STKLD1: variants seen among roughly 807,000 people sequenced by gnomAD.
STKLD1 encodes serine/threonine kinase-like domain-containing protein STKLD1.
STKLD1 carries 79 observed loss-of-function variants against 80.4 expected under a neutral mutation model. The ratio of observed to expected loss-of-function variants is 0.98; its 90% CI spans 0.82 to 1.19. STKLD1 has a LOEUF of 1.19. Ranked by LOEUF, STKLD1 falls within the 50% of genes most tolerant of loss-of-function variation. The pLI is 0.00. For missense variants in STKLD1, 841 were observed against 856.0 expected, an observed-to-expected ratio of 0.98 and a Z score of 0.22; for synonymous variants, 393 against 357.6, an observed-to-expected ratio of 1.10 and a Z score of -1.12.
chr9:133,388,971 C>T (rs1286117119), intron 5 of STKLD1: 2 of 985,308 alleles, frequency 2.0e-6, no homozygotes, highest in Non-Finnish European at 1.2e-6. Context: ...AGGACGCCCA[C>T]ATCCTGCCCC....
intron 11 of STKLD1, 131 bp downstream of exon 11, chr9:133,398,186 G>A (rs188153526): frequency 1.8e-5 from 13 of 738,156 alleles, no homozygotes; most frequent in East Asian, 1.1e-4. Context: ...GCGTGGAGGC[G>A]TGCATGTGTC....
At chr9:133,395,871 A>C in intron 9 of STKLD1, 108 bp downstream of exon 9, 1 of 1,125,052 alleles carries the variant, frequency 8.9e-7, no homozygotes. Flanking sequence ...AAAGAACTCC[A>C]TCACAGATGC....
chr9:133,387,703 A>C, intron 5 of STKLD1, 155 bp downstream of exon 5: 1 of 707,154 alleles, frequency 1.4e-6, no homozygotes. Context: ...ACTCTAGGTA[A>C]TGTGTGCAGA....
At chr9:133,378,481 G>A (rs1024690646) in intron 1 of STKLD1, among the ~76,000 whole-genome samples, 5 of 152,340 alleles carry the variant, frequency 3.3e-5, no homozygotes, top group African/African-American at 1.2e-4. Flanking sequence ...CCCAGGCAGT[G>A]TCCTGCTTTC....
intron 9 of STKLD1, among the ~76,000 whole-genome samples, chr9:133,396,278 A>G (rs970371588): frequency 1.3e-5 from 2 of 152,092 alleles, no homozygotes; most frequent in African/African-American, 4.8e-5. Context: ...TACGAAAAAT[A>G]CAAAAAATTA....
At chr9:133,402,809 A>G in intron 13 of STKLD1, 69 bp from the exon 14 acceptor site, 1 of 1,534,954 alleles carries the variant, frequency 6.5e-7, no homozygotes, top group East Asian at 2.4e-5. Flanking sequence ...GCAGTGCCCA[A>G]GGACAACAGA....
rs1414339455 is a variant in STKLD1, at chr9:133,400,393, T to C, written c.1082-20T>C. The C allele has an allele frequency of 5.6e-6, 9 of 1,599,476 alleles. No individual in the cohort carries two copies. The highest frequency in any genetic ancestry group is 7.7e-6 in the Non-Finnish European group (9 of 1,170,494). ...GATCTGGCCCAAAATGAGTCTCCCC[T>C]GTGCCGCCCGCCCTGCCAGGTCTGC... On this transcript the variant is annotated intron_variant, in intron 11 of 17. Transcript: ENST00000371957.
Position 133,389,790 on chromosome 9 carries a change from A to G in STKLD1, c.467+194A>G, listed in dbSNP as rs2130285111. On this transcript the variant is annotated intron_variant, in intron 6 of 17. Transcript: ENST00000371957. This position sits in a 1 kb window ranked among gnomAD's most constrained non-coding sequence, Gnocchi z 6.4. ...AGGCTCTTCCAAGTGGTCTCAAGCC[A>G]TGTGCACACGCACAGCTGCATGGGG... Among the ~76,000 whole-genome samples, 17 of 152,300 alleles carry G rather than the reference A, an allele frequency of 1.1e-4. No individual in the cohort carries two copies. In the South Asian group the frequency reaches 3.3e-3, roughly 30 times the overall value.
chr9:133,395,704 CT>C lies in STKLD1; in HGVS notation c.809del (p.Phe270SerfsTer7). ...AGAAGCAGATCCCGGATGTGGAAAC[CT>C]TCAGGAATCTTCTGCCCTTGATGCT... is the stretch of plus-strand genomic sequence containing the variant. Reference protein sequence around the residue: ...EEKQIPDVETFRNLLPLMLQI... With the variant: ...EEKQIPDVETXRNLLPLMLQI... On this transcript the variant is annotated frameshift_variant, in exon 9 of 18. Transcript: ENST00000371957. LOFTEE classifies it high-confidence loss of function. The C allele has an allele frequency of 4.3e-6, 7 of 1,613,516 alleles. No individual in the cohort carries two copies. The highest frequency in any genetic ancestry group is 5.9e-6 in the Non-Finnish European group (7 of 1,180,028).
In STKLD1 at chr9:133,385,639, G is replaced by A. The variant is rs2130275031; in HGVS notation, c.242G>A (p.Arg81Gln). The stretch of plus-strand genomic sequence containing the variant: ...CAGCTGATGCCACTGCTGAAGCTGC[G>A]GCACGCCCACATCTCTGTGTACCAG... ...LEELMPLLKL[R>Q]HAHISVYQEL... Residue 81 changes from arginine to glutamine, a missense_variant, in exon 4 of 18, where the codon CGG becomes CAG. By Grantham distance (43) the Arg-to-Gln change is conservative. Transcript: ENST00000371957. This position sits in a 1 kb window ranked among gnomAD's most constrained non-coding sequence, Gnocchi z 4.9. 7.4e-6 allele frequency: 12 copies of A among 1,613,178 alleles called. No individual in the cohort carries two copies. Among genetic ancestry groups the A allele is most frequent in the African/African-American group, 1.3e-5 (1 of 74,918 alleles).
intron 9 of STKLD1, among the ~76,000 whole-genome samples, chr9:133,396,314 G>A (rs1838562448): frequency 6.6e-6 from 1 of 152,092 alleles, no homozygotes; most frequent in Non-Finnish European, 1.5e-5. Flanking sequence ...GCATGCCTGT[G>A]TTCCCAGCTA....
At position 133,402,924 on chromosome 9, in the gene STKLD1, G is replaced by A. The variant is rs1554777966; in HGVS notation, c.1386G>A (p.Glu462=). 2 of 1,586,346 alleles carry A rather than the reference G, an allele frequency of 1.3e-6. No individual in the cohort carries two copies. Among genetic ancestry groups the A allele is most frequent in the South Asian group, 2.3e-5 (2 of 86,766 alleles). Residue 462 remains glutamate, a synonymous_variant, in exon 14 of 18, where the codon GAG becomes GAA. Coordinates refer to ENST00000371957, the MANE Select transcript of STKLD1 (RefSeq NM_153710.5). ...AGCTGCAGAATGCTGGGCTGCTGGA[G>A]CACATCCTGGAGCACCTCAACAGCT... The part of the protein sequence containing the change: ...SEELQNAGLL[E]HILEHLNSSL...
At chr9:133,377,958 G>A (rs1458533301) in intron 1 of STKLD1, among the ~76,000 whole-genome samples, 1 of 152,190 alleles carries the variant, frequency 6.6e-6, no homozygotes, top group Non-Finnish European at 1.5e-5. Context: ...TTCTCATAAG[G>A]AGCATGCAAC....
At position 133,376,460 on chromosome 9, in the gene STKLD1, G is replaced by T. The variant is rs2130248081; in HGVS notation, c.-14G>T. ...CAGGGGTGGACGCTCGCCCGTACGC[G>T]GTCGCTACTGATCATGCTTGGGCCA... On this transcript the variant is annotated 5_prime_UTR_variant, in exon 1 of 18. Coordinates refer to ENST00000371957, the MANE Select transcript of STKLD1 (RefSeq NM_153710.5). 7 of 1,570,868 alleles carry T rather than the reference G, an allele frequency of 4.5e-6. No individual in the cohort carries two copies. The South Asian group carries it at 7.0e-5, about 16-fold the overall frequency.
chr9:133,394,299 C>A lies in STKLD1; in HGVS notation c.592C>A (p.Arg198Ser). The A allele has an allele frequency of 1.2e-6, 2 of 1,612,864 alleles. No homozygotes were observed. Among genetic ancestry groups the A allele is most frequent in the Non-Finnish European group, 1.7e-6 (2 of 1,178,950 alleles). ...CTTGCTTTTACCAACAGACCCCTTTCGTAAGTCCTGGATGGCCCCTGAAGC... is the reference window on the plus strand; with the variant it reads ...CTTGCTTTTACCAACAGACCCCTTTAGTAAGTCCTGGATGGCCCCTGAAGC... ...WNIRAEEDPF[R>S]KSWMAPEALN... The change falls in exon 8 of 18, where the codon CGT becomes AGT. Residue 198 changes from arginine to serine, a missense_variant. Transcript: ENST00000371957. The surrounding 1 kb of genome is among the most constrained non-coding windows in gnomAD (Gnocchi z 4.9).
In STKLD1 at chr9:133,385,076, C is replaced by T. The variant is rs1207508654; in HGVS notation, c.220-541C>T. 6.6e-6 allele frequency among the ~76,000 whole-genome samples: 1 copy of T among 152,204 alleles called. No individual in the cohort carries two copies. The highest frequency in any genetic ancestry group is 2.4e-5 in the African/African-American group (1 of 41,446). ...ACGCCGCCGTGGCTTTTCACGTTGC[C>T]GATTCCCATCCACAGCCCACTAGGT... is the stretch of plus-strand genomic sequence containing the variant. On this transcript the variant is annotated intron_variant, in intron 3 of 17. Coordinates refer to ENST00000371957, the MANE Select transcript of STKLD1 (RefSeq NM_153710.5). The surrounding 1 kb of genome is among the most constrained non-coding windows in gnomAD (Gnocchi z 4.9).
chr9:133,384,177 A>C lies in STKLD1; in HGVS notation c.219+277A>C. 2.6e-6 allele frequency: 1 copy of C among 386,726 alleles called. No individual in the cohort carries two copies. The highest frequency in any genetic ancestry group is 2.0e-5 in the African/African-American group (1 of 48,934). The allele number at this position is 386,726 out of a possible 1,614,324, so 24.0% of individuals were successfully genotyped here. The stretch of plus-strand genomic sequence containing the variant: ...TATTGGGCTGGGCACGGTGGCTCAC[A>C]TTTGTAATCCCACCACTTTGGGAGG... On this transcript the variant is annotated intron_variant, in intron 3 of 17. Transcript: ENST00000371957. The surrounding 1 kb of genome is among the most constrained non-coding windows in gnomAD (Gnocchi z 4.3).
rs1351042090 is a variant in STKLD1 at position 133,385,695 on chromosome 9, G to T, written c.294+4G>T. 1.2e-6 allele frequency: 2 copies of T among 1,612,868 alleles called. No individual in the cohort carries two copies. The highest frequency in any genetic ancestry group is 1.7e-6 in the Non-Finnish European group (2 of 1,179,860). On this transcript the variant is annotated splice_donor_region_variant and intron_variant, in intron 4 of 17. Transcript: ENST00000371957. The surrounding 1 kb of genome is among the most constrained non-coding windows in gnomAD (Gnocchi z 4.9). ...GTTCATCACGTGGAATGGGGAGGTG[G>T]GTCAGAGCTGACACCTACGGGCTCA...
chr9:133,387,861 C>T (rs1397683139), intron 5 of STKLD1: 5 of 505,664 alleles, frequency 9.9e-6, no homozygotes, highest in Non-Finnish European at 1.5e-5. Flanking sequence ...ACTCGTCCGG[C>T]ATGCTGCCAC....
Sources: gnomAD v4.1 joint callset for allele counts (sites outside exome capture counted in the v4.1 genomes callset) on GRCh38, gnomAD v4.1.1 for gene constraint, Gnocchi (gnomAD v3.1) non-coding constraint, MANE v1.5 for transcripts, NCBI Gene and HGNC (gene_info 2026-07-23, HGNC 2026-07-21) for gene names.